Variants in PARD3 observed in about 807,000 individuals in gnomAD.
The protein encoded by PARD3 is par-3 family cell polarity regulator.
In PARD3, 75 loss-of-function variants were observed where a neutral mutation model predicts 155.4. The observed-to-expected ratio is 0.48, with a 90% CI of 0.40 to 0.58. The LOEUF (loss-of-function observed/expected upper bound fraction) is 0.58, where lower values mean the gene tolerates loss of function less well. PARD3 is among the 20% of genes least tolerant of loss of function. PARD3 has a pLI of 0.00. For synonymous variants in PARD3, 576 were observed against 610.5 expected, an observed-to-expected ratio of 0.94 and a Z score of 0.83; for missense variants, 1,642 against 1,721.7, an observed-to-expected ratio of 0.95 and a Z score of 0.82.
At position 34,160,414 on chromosome 10, in the gene PARD3, T is replaced by G. The variant is rs189109339; in HGVS notation, c.3420-28831A>C. Among the ~76,000 whole-genome samples, 4 of 152,336 alleles carry G rather than the reference T, an allele frequency of 2.6e-5. No individual in the cohort carries two copies. In the East Asian group the frequency reaches 5.8e-4, roughly 22 times the overall value. On this transcript the variant is annotated intron_variant, in intron 22 of 24. Transcript: ENST00000374788. ...AATACTCAAGAGACAGTATACAGCT[T>G]TGTACAATCAGTAGGCACCAACACA...
chr10:34,746,647 CACT>C (rs1168128741), intron 1 of PARD3, among the ~76,000 whole-genome samples: 1 of 150,130 alleles, frequency 6.7e-6, no homozygotes, highest in African/African-American at 2.5e-5. Flanking sequence ...TCACTGATTT[CACT>C]ACTTTTTAAA....
At chr10:34,238,967 T>C (rs2133633417) in intron 22 of PARD3, among the ~76,000 whole-genome samples, 1 of 152,328 alleles carries the variant, frequency 6.6e-6, no homozygotes, top group South Asian at 2.1e-4. Flanking sequence ...TTTTTTTTCT[T>C]CCTCATGCCA....
intron 19 of PARD3, among the ~76,000 whole-genome samples, chr10:34,320,993 C>T (rs1958337482): frequency 6.6e-6 from 1 of 152,116 alleles, no homozygotes; most frequent in South Asian, 2.1e-4. Flanking sequence ...ATTATATATA[C>T]TTCAAATTCT....
intron 22 of PARD3, among the ~76,000 whole-genome samples, chr10:34,234,364 G>A (rs574859307): frequency 2.9e-4 from 44 of 152,092 alleles, no homozygotes; most frequent in Non-Finnish European, 4.4e-4. Flanking sequence ...TATGACATCC[G>A]GAATAAAATT....
At chr10:34,534,973 C>T (rs2083121217) in intron 2 of PARD3, among the ~76,000 whole-genome samples, 1 of 152,186 alleles carries the variant, frequency 6.6e-6, no homozygotes, top group African/African-American at 2.4e-5. Context: ...GATCATGCCA[C>T]TGCACTCTAG....
chr10:34,795,502 C>T (rs901825335), intron 1 of PARD3, among the ~76,000 whole-genome samples: 2 of 151,916 alleles, frequency 1.3e-5, no homozygotes, highest in East Asian at 1.9e-4. Flanking sequence ...CCCTGCTACT[C>T]GGGAGGCTGA....
At chr10:34,311,748 C>CCCCG (rs1957712003) in intron 20 of PARD3, among the ~76,000 whole-genome samples, 1 of 152,172 alleles carries the variant, frequency 6.6e-6, no homozygotes, top group African/African-American at 2.4e-5. Flanking sequence ...CCACCACCCC[C>CCCCG]CTGCCAACCA....
intron 22 of PARD3, among the ~76,000 whole-genome samples, chr10:34,238,794 A>C (rs1244846765): frequency 6.6e-6 from 1 of 152,180 alleles, no homozygotes; most frequent in Non-Finnish European, 1.5e-5. Flanking sequence ...TAACTCATAA[A>C]ATGGAGGAAA....
intron 2 of PARD3, among the ~76,000 whole-genome samples, chr10:34,644,777 A>C (rs1010594318): frequency 3.3e-5 from 5 of 152,204 alleles, no homozygotes; most frequent in African/African-American, 1.2e-4. Context: ...TCAGTGACAA[A>C]AACAGTGGAA....
intron 19 of PARD3, among the ~76,000 whole-genome samples, chr10:34,321,971 A>T (rs2134165630): frequency 6.6e-6 from 1 of 151,662 alleles, no homozygotes; most frequent in East Asian, 2.0e-4. Flanking sequence ...TCCCCCCCCC[A>T]TTGAGAAGTG....
chr10:34,227,042 C>T (rs374060424), intron 22 of PARD3, among the ~76,000 whole-genome samples: 4 of 152,062 alleles, frequency 2.6e-5, no homozygotes, highest in South Asian at 2.1e-4. Context: ...AAACAGCTTC[C>T]GCGCAACAAA....
At chr10:34,188,110 G>A (rs938159623) in intron 22 of PARD3, among the ~76,000 whole-genome samples, 10 of 152,166 alleles carry the variant, frequency 6.6e-5, no homozygotes, top group African/African-American at 2.4e-4. Flanking sequence ...AGAGCATATT[G>A]ATTAATAATT....
At chr10:34,727,186 T>A (rs1043687987) in intron 1 of PARD3, among the ~76,000 whole-genome samples, 2 of 152,142 alleles carry the variant, frequency 1.3e-5, no homozygotes, top group Middle Eastern at 3.2e-3. Flanking sequence ...CATAAGCCTA[T>A]GGGAGCCAGG....
chr10:34,551,640 G>C (rs1223324766), intron 2 of PARD3, among the ~76,000 whole-genome samples: 1 of 152,152 alleles, frequency 6.6e-6, no homozygotes, highest in African/African-American at 2.4e-5. Flanking sequence ...GCAATAACGG[G>C]GTGTCGGCAG....
At chr10:34,579,170 T>C (rs2134233403) in intron 2 of PARD3, among the ~76,000 whole-genome samples, 1 of 151,568 alleles carries the variant, frequency 6.6e-6, no homozygotes, top group East Asian at 2.0e-4. Context: ...CTCAGGAGGC[T>C]GAGGCAGGAG....
At chr10:34,635,961 C>T in intron 2 of PARD3, among the ~76,000 whole-genome samples, 1 of 151,674 alleles carries the variant, frequency 6.6e-6, no homozygotes, top group East Asian at 1.9e-4. Flanking sequence ...CCCCATATTC[C>T]CTCCACAGAA....
intron 22 of PARD3, among the ~76,000 whole-genome samples, chr10:34,225,232 C>T (rs575247211): frequency 1.3e-5 from 2 of 152,220 alleles, no homozygotes; most frequent in South Asian, 2.1e-4. Context: ...TAGGAGGAAG[C>T]TGTATCAGAG....
intron 5 of PARD3, among the ~76,000 whole-genome samples, chr10:34,413,143 A>C (rs112243070): frequency 9.4e-6 from 1 of 106,142 alleles, no homozygotes; most frequent in Admixed American, 1.0e-4. Context: ...TCAGATATAT[A>C]TACACACACA....
chr10:34,632,332 T>C (rs1222295134), intron 2 of PARD3, among the ~76,000 whole-genome samples: 1 of 152,100 alleles, frequency 6.6e-6, no homozygotes, highest in East Asian at 1.9e-4. Context: ...CCATCCCTAA[T>C]CCTAAGAAGT....
Sources: gnomAD v4.1 joint callset for allele counts (sites outside exome capture counted in the v4.1 genomes callset) on GRCh38, gnomAD v4.1.1 for gene constraint, MANE v1.5 for transcripts, NCBI Gene and HGNC (gene_info 2026-07-23, HGNC 2026-07-21) for gene names.